The following MVB12B variants were observed in gnomAD, a reference collection of about 807,000 sequenced individuals.
MVB12B encodes multivesicular body subunit 12B.
A neutral mutation model predicts 41.6 loss-of-function variants in MVB12B; 16 were observed. That is an observed-to-expected ratio of 0.38 (90% CI 0.26 to 0.58). The LOEUF is 0.58. Ranked by LOEUF, MVB12B falls within the 20% of genes least tolerant of loss-of-function variation. The probability of loss-of-function intolerance (pLI) is 0.62; values close to 1 mark genes in which losing one functional copy is unlikely to be tolerated. For synonymous variants in MVB12B, 133 were observed against 139.7 expected (o/e 0.95, Z 0.34); for missense variants, 274 against 380.2 (o/e 0.72, Z 2.32).
intron 9 of MVB12B, among the ~76,000 whole-genome samples, chr9:126,489,908 C>G (rs1202302813): frequency 6.6e-6 from 1 of 152,160 alleles, no homozygotes; most frequent in African/African-American, 2.4e-5. Context: ...TTGTCCCGGC[C>G]CCACCTGTCC....
chr9:126,475,999 C>T (rs1042294658), intron 7 of MVB12B, among the ~76,000 whole-genome samples: 1 of 107,462 alleles, frequency 9.3e-6, no homozygotes, highest in Non-Finnish European at 2.4e-5. Context: ...CTCCTCCTTG[C>T]AGTTAGGATT....
chr9:126,377,821 G>A (rs2118950485), intron 2 of MVB12B, among the ~76,000 whole-genome samples: 1 of 152,318 alleles, frequency 6.6e-6, no homozygotes, highest in Admixed American at 6.5e-5. Context: ...GGACAACTGA[G>A]GACTTTTTGA....
At chr9:126,440,455 A>C (rs982566428) in intron 7 of MVB12B, among the ~76,000 whole-genome samples, 2 of 152,206 alleles carry the variant, frequency 1.3e-5, no homozygotes, top group Non-Finnish European at 2.9e-5. Context: ...GCCACGAGTG[A>C]ACTGTAAAAG....
intron 2 of MVB12B, among the ~76,000 whole-genome samples, chr9:126,343,306 G>A (rs1455192074): frequency 6.6e-6 from 1 of 152,166 alleles, no homozygotes; most frequent in Non-Finnish European, 1.5e-5. Flanking sequence ...AGTCAGAGTT[G>A]GGGTGAGTCT....
rs542481772 is a variant in MVB12B at position 126,354,160 on chromosome 9, A to C, written c.204+13530A>C. Among the ~76,000 whole-genome samples, 21 of 152,316 alleles carry C rather than the reference A, an allele frequency of 1.4e-4. No individual in the cohort carries two copies. In the South Asian group the frequency reaches 4.1e-3, roughly 30 times the overall value. On this transcript the variant is annotated intron_variant, in intron 2 of 9. Transcript: ENST00000361171. ...AGTTTCCAGTTTTTGTAGCTGGCTC[A>C]TATGGCTGGCTTTCTCTTCCTGGTT...
intron 1 of MVB12B, among the ~76,000 whole-genome samples, chr9:126,338,859 A>C (rs1829360620): frequency 6.6e-6 from 1 of 152,200 alleles, no homozygotes; most frequent in South Asian, 2.1e-4. Context: ...CACTAAGTAA[A>C]TATTCACTCA....
intron 2 of MVB12B, among the ~76,000 whole-genome samples, chr9:126,344,045 G>C (rs1829522604): frequency 7.7e-6 from 1 of 129,792 alleles, no homozygotes; most frequent in Admixed American, 7.5e-5. Context: ...TACTTTTCTT[G>C]GTAAAAAAAA....
At chr9:126,412,521 T>G (rs1164229823) in intron 6 of MVB12B, among the ~76,000 whole-genome samples, 1 of 152,226 alleles carries the variant, frequency 6.6e-6, no homozygotes, top group Admixed American at 6.5e-5. Context: ...CGCTGGATGC[T>G]TTCATACGTG....
intron 6 of MVB12B, among the ~76,000 whole-genome samples, chr9:126,407,132 A>G (rs1227500857): frequency 6.6e-6 from 1 of 152,220 alleles, no homozygotes; most frequent in Non-Finnish European, 1.5e-5. Flanking sequence ...GGGTATTTAC[A>G]GAAGCCTAGG....
chr9:126,499,808 C>T (rs1049482000), intron 9 of MVB12B, among the ~76,000 whole-genome samples: 1 of 152,214 alleles, frequency 6.6e-6, no homozygotes, highest in Non-Finnish European at 1.5e-5. Context: ...AATCTGTGCG[C>T]CCTCGCGGGG....
In MVB12B at chr9:126,480,457, A is replaced by G. The variant is rs1833503489; in HGVS notation, c.758-912A>G. On this transcript the variant is annotated intron_variant, in intron 7 of 9. Transcript: ENST00000361171. The surrounding 1 kb of genome is among the most constrained non-coding windows in gnomAD (Gnocchi z 4.9). ...TCCTCTCTGAGGTTATAATTCATAG[A>G]GAAGTGCTCACTTACGGAGGCACAC... Among the ~76,000 whole-genome samples, 1 of 152,154 alleles carries G rather than the reference A, an allele frequency of 6.6e-6. No homozygotes were observed. The highest frequency in any genetic ancestry group is 1.5e-5 in the Non-Finnish European group (1 of 68,016).
chr9:126,457,959 C>T (rs188590773), intron 7 of MVB12B, among the ~76,000 whole-genome samples: 1 of 152,246 alleles, frequency 6.6e-6, no homozygotes, highest in South Asian at 2.1e-4. Context: ...TGGCAAAAGA[C>T]GATTTGGGGA....
chr9:126,501,888 C>T (rs900743435), intron 9 of MVB12B, among the ~76,000 whole-genome samples: 3 of 152,038 alleles, frequency 2.0e-5, no homozygotes, highest in Non-Finnish European at 4.4e-5. Context: ...GGCGTGGGCA[C>T]CCCAGGGCCC....
intron 8 of MVB12B, among the ~76,000 whole-genome samples, chr9:126,482,539 C>T (rs931484265): frequency 4.6e-5 from 7 of 152,246 alleles, no homozygotes; most frequent in Admixed American, 3.3e-4. Context: ...GCGCCTCTGC[C>T]GCCGTTCCCT....
In MVB12B at chr9:126,376,591, C is replaced by T; in HGVS notation, c.205-4473C>T. ...TTTCCAGAGACAAAGCCCTCAGTGT[C>T]CAGTGTTCAGGGGAGGCGGCTGGAA... On this transcript the variant is annotated intron_variant, in intron 2 of 9. Coordinates refer to ENST00000361171, the MANE Select transcript of MVB12B (RefSeq NM_033446.3). The surrounding 1 kb of genome is among the most constrained non-coding windows in gnomAD (Gnocchi z 4.1). 7.8e-7 allele frequency: 1 copy of T among 1,289,360 alleles called. No individual in the cohort carries two copies. The highest frequency in any genetic ancestry group is 1.0e-6 in the Non-Finnish European group (1 of 988,868). The allele number at this position is 1,289,360 out of a possible 1,614,324, so 79.9% of individuals were successfully genotyped here. A position where few individuals can be genotyped will look rare whatever the true frequency, so the allele number is the denominator to read the frequency against.
chr9:126,397,697 G>A, intron 6 of MVB12B: 2 of 958,126 alleles, frequency 2.1e-6, no homozygotes, highest in South Asian at 4.8e-5. Context: ...CATCCATCAG[G>A]GTTTTTTGGT....
chr9:126,354,395 G>C (rs561433531), intron 2 of MVB12B, among the ~76,000 whole-genome samples: 1 of 152,132 alleles, frequency 6.6e-6, no homozygotes, highest in South Asian at 2.1e-4. Flanking sequence ...GTTATGATTT[G>C]TTTGGTCTTA....
At chr9:126,404,720 T>A (rs1424616819) in intron 6 of MVB12B, among the ~76,000 whole-genome samples, 1 of 152,224 alleles carries the variant, frequency 6.6e-6, no homozygotes, top group East Asian at 1.9e-4. Context: ...AGGGAACATG[T>A]GGAGGCCAGC....
intron 9 of MVB12B, among the ~76,000 whole-genome samples, chr9:126,498,305 C>T (rs1261689319): frequency 6.6e-6 from 1 of 152,186 alleles, no homozygotes; most frequent in Non-Finnish European, 1.5e-5. Context: ...GGCTGCTGTA[C>T]AGAATCTCCC....
Sources: allele counts gnomAD v4.1 joint callset (sites outside exome capture counted in the v4.1 genomes callset), GRCh38; gene constraint gnomAD v4.1.1; non-coding constraint Gnocchi (gnomAD v3.1); transcripts MANE v1.5; gene names NCBI Gene and HGNC (gene_info 2026-07-23, HGNC 2026-07-21).